Variants in CSE1L observed in about 807,000 individuals in gnomAD.
CSE1L encodes the protein chromosome segregation 1 like, also known as exportin-2.
In CSE1L, 24 loss-of-function variants were observed where a neutral mutation model predicts 120.4. The observed-to-expected ratio is 0.20, with a 90% CI of 0.14 to 0.28. The LOEUF is 0.28. Ranked by LOEUF, CSE1L falls within the 10% of genes least tolerant of loss-of-function variation. The pLI is 1.00. For missense variants in CSE1L, 830 were observed against 1,145.2 expected (o/e 0.72, Z 3.97); for synonymous variants, 402 against 398.3 (o/e 1.01, Z -0.11).
At chr20:49,080,550 C>T (rs761764921) in intron 14 of CSE1L, among the ~76,000 whole-genome samples, 17 of 152,128 alleles carry the variant, frequency 1.1e-4, no homozygotes, top group Non-Finnish European at 2.1e-4. Context: ...GATCTCGGCT[C>T]ACCGCAACAT....
At chr20:49,084,003 A>T in intron 14 of CSE1L, 23 bp from the exon 15 acceptor site, 3 of 1,602,858 alleles carry the variant, frequency 1.9e-6, no homozygotes, top group Non-Finnish European at 1.7e-6. Context: ...CATTTAGAGC[A>T]TGTATATTAT....
At chr20:49,080,254 T>A (rs906834229) in intron 14 of CSE1L, among the ~76,000 whole-genome samples, 13 of 151,470 alleles carry the variant, frequency 8.6e-5, no homozygotes, top group African/African-American at 1.5e-4. Context: ...TTGTTTTGTT[T>A]TTTTTTATTT....
intron 1 of CSE1L, among the ~76,000 whole-genome samples, chr20:49,051,882 G>A (rs1214426172): frequency 6.6e-6 from 1 of 152,154 alleles, no homozygotes; most frequent in Non-Finnish European, 1.5e-5. Flanking sequence ...TTATTGTAGA[G>A]ACAGGGTCTC....
intron 1 of CSE1L, among the ~76,000 whole-genome samples, chr20:49,051,488 A>G (rs917061551): frequency 6.6e-6 from 1 of 152,210 alleles, no homozygotes; most frequent in African/African-American, 2.4e-5. Context: ...GACTGCGGTG[A>G]GCTGAGATCA....
chr20:49,078,196 T>A (rs2091983687), intron 13 of CSE1L, among the ~76,000 whole-genome samples: 1 of 152,174 alleles, frequency 6.6e-6, no homozygotes. Flanking sequence ...ATCTATTCCT[T>A]TCATTAATTT....
At chr20:49,084,406 T>G (rs1238157811) in intron 15 of CSE1L, among the ~76,000 whole-genome samples, 1 of 152,144 alleles carries the variant, frequency 6.6e-6, no homozygotes, top group Non-Finnish European at 1.5e-5. Flanking sequence ...AACAGAAATG[T>G]GTGTCAAAGG....
intron 1 of CSE1L, among the ~76,000 whole-genome samples, chr20:49,046,874 G>T: frequency 6.6e-6 from 1 of 152,236 alleles, no homozygotes; most frequent in Admixed American, 6.5e-5. Context: ...TGCCCGGGCG[G>T]GGACTGCGGG....
intron 14 of CSE1L, 69 bp downstream of exon 14, chr20:49,078,691 A>G (rs548694813): frequency 1.0e-5 from 10 of 1,003,128 alleles, no homozygotes; most frequent in Admixed American, 2.7e-5. Context: ...CCACCTTCTC[A>G]TCTACTGTGC....
At chr20:49,070,971 G>C (rs574051990) in intron 8 of CSE1L, among the ~76,000 whole-genome samples, 1 of 152,178 alleles carries the variant, frequency 6.6e-6, no homozygotes, top group South Asian at 2.1e-4. Context: ...CACAGCTCGA[G>C]AAAGAGAGAA....
At chr20:49,095,203 T>A in intron 24 of CSE1L, 1 of 635,470 alleles carries the variant, frequency 1.6e-6, no homozygotes, top group Non-Finnish European at 2.8e-6. Flanking sequence ...GAAAAATCCC[T>A]TCAATAGAAA....
At chr20:49,095,760 G>A (rs925471819) in intron 24 of CSE1L, among the ~76,000 whole-genome samples, 1 of 152,066 alleles carries the variant, frequency 6.6e-6, no homozygotes, top group African/African-American at 2.4e-5. Flanking sequence ...AGACACAGTG[G>A]TTTATGCCTG....
chr20:49,068,093 G>A (rs2091907392), intron 6 of CSE1L, among the ~76,000 whole-genome samples: 1 of 151,876 alleles, frequency 6.6e-6, no homozygotes, highest in Non-Finnish European at 1.5e-5. Flanking sequence ...ATAAAGAATT[G>A]GAAACAACCT....
intron 1 of CSE1L, among the ~76,000 whole-genome samples, chr20:49,050,135 T>A (rs899589312): frequency 1.4e-4 from 22 of 152,160 alleles, no homozygotes; most frequent in African/African-American, 5.3e-4. Context: ...TTAAAAATAG[T>A]CCTACCCTAG....
At chr20:49,084,830 G>A (rs2092041651) in intron 15 of CSE1L, among the ~76,000 whole-genome samples, 1 of 152,154 alleles carries the variant, frequency 6.6e-6, no homozygotes. Context: ...AGAACTTGAA[G>A]TACAGATACT....
Position 49,086,359 on chromosome 20 carries a change from C to CTTTTT in CSE1L, c.1723+992_1723+996dup, listed in dbSNP as rs10648977. On this transcript the variant is annotated intron_variant, in intron 16 of 24. Coordinates refer to ENST00000262982, the MANE Select transcript of CSE1L (RefSeq NM_001316.4). Reference sequence around the variant, plus strand: ...TGTGTAATTATTGTTGTTTAATGTCCTTTTTTTTTTTTTTTTTTTTTTTGA... The same window carrying CTTTTT: ...TGTGTAATTATTGTTGTTTAATGTCCTTTTTTTTTTTTTTTTTTTTTTTTTTTTGA... Among the ~76,000 whole-genome samples, 184 of 77,630 alleles carry CTTTTT rather than the reference C, an allele frequency of 2.4e-3. 5 individuals are homozygous for CTTTTT. The highest frequency in any genetic ancestry group is 6.4e-3 in the African/African-American group (106 of 16,486). 50.9% of individuals were successfully genotyped at this position (77,630 alleles called of 152,430 possible).
At position 49,090,948 on chromosome 20, in the gene CSE1L, A is replaced by G; in HGVS notation, c.2291A>G (p.Asp764Gly). The change falls in exon 21 of 25, where the codon GAC (aspartate) becomes GGC (glycine). Residue 764 changes from aspartate to glycine, a missense_variant. Transcript: ENST00000262982. ...IIEHMPPESV[D>G]QYRKQIFILL... Reference sequence around the variant, plus strand: ...TTTTAATTCTTTAGTGAATCAGTTGACCAATATAGGAAACAAATCTTCATT... The same window carrying G: ...TTTTAATTCTTTAGTGAATCAGTTGGCCAATATAGGAAACAAATCTTCATT... 6.2e-7 allele frequency: 1 copy of G among 1,609,250 alleles called. No homozygotes were observed. Among genetic ancestry groups the G allele is most frequent in the Non-Finnish European group, 8.5e-7 (1 of 1,176,970 alleles).
chr20:49,086,441 C>T (rs900736516), intron 16 of CSE1L, among the ~76,000 whole-genome samples: 2 of 144,714 alleles, frequency 1.4e-5, no homozygotes, highest in Admixed American at 7.0e-5. Flanking sequence ...TCTCAGCTCA[C>T]TGCAGCCTCA....
chr20:49,051,763 T>C (rs1049550230), intron 1 of CSE1L, among the ~76,000 whole-genome samples: 2 of 152,224 alleles, frequency 1.3e-5, no homozygotes, highest in African/African-American at 2.4e-5. Context: ...AATGGCATGA[T>C]CATAGCTCAC....
intron 9 of CSE1L, 51 bp from the exon 10 acceptor site, chr20:49,072,517 G>A: frequency 1.2e-6 from 2 of 1,605,370 alleles, no homozygotes; most frequent in Non-Finnish European, 8.5e-7. Flanking sequence ...CAAGAAATAA[G>A]CTGTTGAGTT....
Sources: gnomAD v4.1 joint callset for allele counts (sites outside exome capture counted in the v4.1 genomes callset) on GRCh38, gnomAD v4.1.1 for gene constraint, MANE v1.5 for transcripts, NCBI Gene and HGNC (gene_info 2026-07-23, HGNC 2026-07-21) for gene names.